MYO9A: variants seen among roughly 807,000 people sequenced by gnomAD.
MYO9A encodes the protein unconventional myosin-IXa.
A neutral mutation model predicts 293.3 loss-of-function variants in MYO9A; 103 were observed. The ratio of observed to expected loss-of-function variants is 0.35; its 90% confidence interval spans 0.30 to 0.41. The LOEUF (loss-of-function observed/expected upper bound fraction) is 0.41. Among genes scored for constraint, MYO9A ranks in the 10% least tolerant of loss-of-function variants. The pLI is 1.00. For synonymous variants in MYO9A, 1,001 were observed against 1,035.7 expected (o/e 0.97, Z 0.64); for missense variants, 2,685 against 3,033.0 (o/e 0.89, Z 2.69).
chr15:72,018,771 A>C (rs2077414108), intron 6 of MYO9A, among the ~76,000 whole-genome samples: 1 of 152,240 alleles, frequency 6.6e-6, no homozygotes, highest in South Asian at 2.1e-4. Context: ...AATATAATCA[A>C]TTTAATGTTT....
At chr15:71,974,386 G>A (rs1388625706) in intron 12 of MYO9A, among the ~76,000 whole-genome samples, 2 of 152,222 alleles carry the variant, frequency 1.3e-5, no homozygotes, top group African/African-American at 4.8e-5. Context: ...CATCCCCTTA[G>A]ATTTTTCTTG....
At chr15:72,015,834 C>A (rs905195216) in intron 6 of MYO9A, among the ~76,000 whole-genome samples, 6 of 151,902 alleles carry the variant, frequency 3.9e-5, no homozygotes, top group East Asian at 3.9e-4. Flanking sequence ...ACTACAGGCG[C>A]CCGCCACCAC....
chr15:71,996,001 A>T (rs933997601), intron 9 of MYO9A, among the ~76,000 whole-genome samples: 5 of 152,176 alleles, frequency 3.3e-5, no homozygotes, highest in African/African-American at 9.7e-5. Context: ...AGAAACCTGT[A>T]TTATTTTTTA....
intron 1 of MYO9A, among the ~76,000 whole-genome samples, chr15:72,072,242 C>T (rs2079216157): frequency 6.6e-6 from 1 of 151,938 alleles, no homozygotes; most frequent in Non-Finnish European, 1.5e-5. Context: ...TGCCATTCTC[C>T]TGCCTCAGCC....
chr15:71,878,300 A>C, intron 30 of MYO9A, 69 bp from the exon 31 acceptor site: 2 of 1,080,084 alleles, frequency 1.9e-6, no homozygotes, highest in Non-Finnish European at 2.6e-6. Context: ...GAAAGATTAC[A>C]CTTGTAATGG....
intron 1 of MYO9A, among the ~76,000 whole-genome samples, chr15:72,066,818 AGCTGAGGTTGCACCATT>A (rs1259219944): frequency 7.2e-5 from 11 of 152,010 alleles, no homozygotes; most frequent in African/African-American, 2.7e-4. Flanking sequence ...GGTTGCAGTG[AGCTGAGGTTGCACCATT>A]GCTCTCCAGC....
At chr15:72,083,067 A>T (rs1453930851) in intron 1 of MYO9A, among the ~76,000 whole-genome samples, 1 of 151,908 alleles carries the variant, frequency 6.6e-6, no homozygotes, top group Non-Finnish European at 1.5e-5. Context: ...CTCCTCCTCA[A>T]TTTTTGGGAA....
At position 71,898,359 on chromosome 15, in the gene MYO9A, T is replaced by C. The variant is rs1395200767; in HGVS notation, c.4144A>G (p.Ser1382Gly). The C allele has an allele frequency of 6.2e-7, 1 of 1,613,666 alleles. No homozygotes were observed. Among genetic ancestry groups the C allele is most frequent in the Non-Finnish European group, 8.5e-7 (1 of 1,180,022 alleles). Residue 1382 changes from serine (S) to glycine (G), a missense_variant, in exon 25 of 42, where the codon AGT (serine) becomes GGT (glycine). Coordinates refer to ENST00000356056, the MANE Select transcript of MYO9A (RefSeq NM_006901.4). ...NALSASNETSSAEHLKDGTMK... is the reference protein window; with the variant it reads ...NALSASNETSGAEHLKDGTMK... ...GTTCCATCCTTCAAATGCTCTGCACTGCTAGTCTCATTTGAGGCACTGAGG... is the reference window on the plus strand; with the variant it reads ...GTTCCATCCTTCAAATGCTCTGCACCGCTAGTCTCATTTGAGGCACTGAGG...
At chr15:72,025,343 G>GC (rs920356689) in intron 4 of MYO9A, among the ~76,000 whole-genome samples, 6 of 152,028 alleles carry the variant, frequency 3.9e-5, no homozygotes, top group African/African-American at 1.4e-4. Flanking sequence ...TAAGAACAGA[G>GC]CCCAAAAAAA....
intron 1 of MYO9A, among the ~76,000 whole-genome samples, chr15:72,053,079 G>A (rs1426684928): frequency 1.3e-5 from 2 of 152,164 alleles, no homozygotes; most frequent in African/African-American, 4.8e-5. Context: ...TTCTGCTGAC[G>A]GTTGTTCTAG....
intron 1 of MYO9A, among the ~76,000 whole-genome samples, chr15:72,055,555 C>T (rs560164003): frequency 6.6e-6 from 1 of 152,172 alleles, no homozygotes; most frequent in South Asian, 2.1e-4. Context: ...AAAATCTTCA[C>T]AATGTGTATA....
intron 7 of MYO9A, among the ~76,000 whole-genome samples, chr15:72,009,427 A>T (rs953879599): frequency 2.0e-5 from 3 of 152,256 alleles, no homozygotes; most frequent in African/African-American, 7.2e-5. Context: ...TCATGAGGTT[A>T]AAAATTAACA....
intron 4 of MYO9A, among the ~76,000 whole-genome samples, chr15:72,025,632 G>A (rs2077642521): frequency 6.6e-6 from 1 of 152,126 alleles, no homozygotes; most frequent in Non-Finnish European, 1.5e-5. Context: ...TTACAGGAGT[G>A]AGCCAGTGCA....
intron 34 of MYO9A, among the ~76,000 whole-genome samples, chr15:71,856,474 C>T (rs771646488): frequency 1.3e-5 from 2 of 151,664 alleles, no homozygotes; most frequent in South Asian, 4.2e-4. Flanking sequence ...TGATGTTCAA[C>T]CTTAGTGTTG....
intron 39 of MYO9A, among the ~76,000 whole-genome samples, chr15:71,840,239 C>T (rs1238865255): frequency 1.3e-5 from 2 of 152,212 alleles, no homozygotes; most frequent in East Asian, 3.8e-4. Flanking sequence ...CCTGTACAGG[C>T]ATAAAACTTC....
intron 16 of MYO9A, 86 bp from the exon 17 acceptor site, chr15:71,935,570 A>G (rs994301150): frequency 1.3e-5 from 17 of 1,311,122 alleles, no homozygotes; most frequent in African/African-American, 6.0e-5. Flanking sequence ...TTTAAATACT[A>G]AAGTTAAAAT....
At chr15:72,066,484 C>CAAAA (rs369900151) in intron 1 of MYO9A, among the ~76,000 whole-genome samples, 2 of 88,650 alleles carry the variant, frequency 2.3e-5, no homozygotes, top group Non-Finnish European at 2.3e-5. Flanking sequence ...GACTTGGTCT[C>CAAAA]AAAAAAAAAA....
At chr15:71,951,537 C>A (rs2059050819) in intron 15 of MYO9A, among the ~76,000 whole-genome samples, 1 of 151,748 alleles carries the variant, frequency 6.6e-6, no homozygotes, top group African/African-American at 2.4e-5. Flanking sequence ...TGACTGTAAC[C>A]AAGTATAATT....
intron 12 of MYO9A, among the ~76,000 whole-genome samples, chr15:71,969,736 C>G (rs2075964163): frequency 6.6e-6 from 1 of 151,996 alleles, no homozygotes; most frequent in African/African-American, 2.4e-5. Context: ...TGAAAACAGT[C>G]ATTACTTGAA....
Sources: allele counts gnomAD v4.1 joint callset (sites outside exome capture counted in the v4.1 genomes callset), GRCh38; gene constraint gnomAD v4.1.1; transcripts MANE v1.5; gene names NCBI Gene and HGNC (gene_info 2026-07-23, HGNC 2026-07-21).